AIG1: variants seen among roughly 807,000 people sequenced by gnomAD.
The protein encoded by AIG1 is androgen-induced gene 1 protein.
A neutral mutation model predicts 31.4 loss-of-function variants in AIG1; 23 were observed. The ratio of observed to expected loss-of-function variants is 0.73; its 90% CI spans 0.53 to 1.04. The LOEUF (loss-of-function observed/expected upper bound fraction) is 1.04. Among genes scored for constraint, AIG1 ranks in the 50% least tolerant of loss-of-function variants. The pLI, the probability that AIG1 is intolerant of heterozygous loss-of-function variation, is 0.00. For synonymous variants in AIG1, 100 were observed against 110.5 expected, an observed-to-expected ratio of 0.90 and a Z score of 0.60; for missense variants, 274 against 295.0, an observed-to-expected ratio of 0.93 and a Z score of 0.52.
intron 3 of AIG1, among the ~76,000 whole-genome samples, chr6:143,239,353 C>T (rs1794052077): frequency 6.6e-6 from 1 of 152,186 alleles, no homozygotes. Context: ...AATGGGAAAA[C>T]CTTCACGACC....
intron 1 of AIG1, among the ~76,000 whole-genome samples, chr6:143,066,774 T>C (rs1562338856): frequency 1.3e-5 from 2 of 152,218 alleles, no homozygotes; most frequent in Non-Finnish European, 2.9e-5. Flanking sequence ...GATTGTATTG[T>C]CCTTATGTTG....
intron 1 of AIG1, among the ~76,000 whole-genome samples, chr6:143,106,859 G>T (rs1471125969): frequency 6.6e-6 from 1 of 152,158 alleles, no homozygotes; most frequent in African/African-American, 2.4e-5. Context: ...ATGAGGACAA[G>T]GAATGATGGC....
At chr6:143,061,210 C>T in intron 1 of AIG1, 144 bp downstream of exon 1, 2 of 1,012,824 alleles carry the variant, frequency 2.0e-6, no homozygotes, top group Non-Finnish European at 3.1e-6. Flanking sequence ...CGCCTCTTCC[C>T]CAGTGATTGC....
At chr6:143,067,602 T>G (rs1316530467) in intron 1 of AIG1, among the ~76,000 whole-genome samples, 1 of 152,350 alleles carries the variant, frequency 6.6e-6, no homozygotes, top group African/African-American at 2.4e-5. Flanking sequence ...GTTAGTCTTA[T>G]ATTTATTTAC....
intron 1 of AIG1, among the ~76,000 whole-genome samples, chr6:143,135,357 A>G (rs1303590485): frequency 6.6e-6 from 1 of 152,150 alleles, no homozygotes; most frequent in Non-Finnish European, 1.5e-5. Flanking sequence ...ATAGAAAGAT[A>G]TGAATAGGAA....
In AIG1 at chr6:143,256,593, T is replaced by A. The variant is rs1795389464; in HGVS notation, c.400-27517T>A. Among the ~76,000 whole-genome samples, 1 of 152,188 alleles carries A rather than the reference T, an allele frequency of 6.6e-6. No individual in the cohort carries two copies. Among genetic ancestry groups the A allele is most frequent in the African/African-American group, 2.4e-5 (1 of 41,452 alleles). ...AAATCTTCCATGGACATCGAGCAGA[T>A]AAAAATGGAACCGTTACAGCTGAAA... On this transcript the variant is annotated intron_variant, in intron 3 of 5. Transcript: ENST00000357847. The surrounding 1 kb of genome is among the most constrained non-coding windows in gnomAD (Gnocchi z 4.6).
At chr6:143,239,533 T>C (rs1425971804) in intron 3 of AIG1, among the ~76,000 whole-genome samples, 3 of 152,168 alleles carry the variant, frequency 2.0e-5, no homozygotes, top group Non-Finnish European at 4.4e-5. Flanking sequence ...CTGAAGAATG[T>C]AGGAAGGACC....
Position 143,327,348 on chromosome 6 carries a change from G to A in AIG1, c.516-5934G>A. On this transcript the variant is annotated intron_variant, in intron 4 of 5. Coordinates refer to ENST00000357847, the MANE Select transcript of AIG1 (RefSeq NM_016108.4). The surrounding 1 kb of genome is among the most constrained non-coding windows in gnomAD (Gnocchi z 5.3). ...TCAACAAGGTGGTGACCTCGTTGAT[G>A]ATACACCATCAACATTCACAAGCGC... 2 of 253,096 alleles carry A rather than the reference G, an allele frequency of 7.9e-6. No individual in the cohort carries two copies. The highest frequency in any genetic ancestry group is 1.1e-4 in the South Asian group (2 of 18,650). 15.7% of individuals were successfully genotyped at this position (253,096 alleles called of 1,614,324 possible). A position where few individuals can be genotyped will look rare whatever the true frequency, so the allele number is the denominator to read the frequency against.
At position 143,340,623 on chromosome 6, in the gene AIG1, C is replaced by T. The variant is rs894497123; in HGVS notation, c.*947C>T. On this transcript the variant is annotated 3_prime_UTR_variant, in exon 6 of 6. Transcript: ENST00000357847. Reference sequence around the variant, plus strand: ...GGACTACAGGCGCCTGCCACACGCCCGGCTTATTTTTTGTATTTTTAGTAG... The same window carrying T: ...GGACTACAGGCGCCTGCCACACGCCTGGCTTATTTTTTGTATTTTTAGTAG... Among the ~76,000 whole-genome samples the T allele has an allele frequency of 2.0e-5, 3 of 152,142 alleles. No homozygotes were observed. The highest frequency in any genetic ancestry group is 7.2e-5 in the African/African-American group (3 of 41,512).
chr6:143,097,311 T>C (rs200151), intron 1 of AIG1, among the ~76,000 whole-genome samples: 146,952 of 152,162 alleles, frequency 0.97, 70,995 homozygotes, highest in East Asian at 1. Context: ...CCCAATCCTA[T>C]ACCCCCTCAT....
At chr6:143,101,320 C>A (rs1780259388) in intron 1 of AIG1, among the ~76,000 whole-genome samples, 1 of 151,892 alleles carries the variant, frequency 6.6e-6, no homozygotes, top group African/African-American at 2.4e-5. Flanking sequence ...CAAGGATGAT[C>A]CACATCAACA....
chr6:143,310,134 A>G (rs1192071765), intron 4 of AIG1, among the ~76,000 whole-genome samples: 1 of 151,952 alleles, frequency 6.6e-6, no homozygotes, highest in Non-Finnish European at 1.5e-5. Flanking sequence ...ACAACCATCA[A>G]TCAACTTGAT....
rs1777211302 is a variant in AIG1, at chr6:143,333,128, G to GT, written c.516-151dup. On this transcript the variant is annotated intron_variant, in intron 4 of 5. Coordinates refer to ENST00000357847, the MANE Select transcript of AIG1 (RefSeq NM_016108.4). The surrounding 1 kb of genome is among the most constrained non-coding windows in gnomAD (Gnocchi z 4.6). ...GTAAATGAAAATAAACAGCAACCAA[G>GT]TTTCCAGTAGCTCCTGAGTATCAGA... is the stretch of plus-strand genomic sequence containing the variant. 6.6e-5 allele frequency among the ~76,000 whole-genome samples: 10 copies of GT among 152,312 alleles called. No homozygotes were observed. In the South Asian group the frequency reaches 2.1e-3, roughly 32 times the overall value.
chr6:143,184,692 G>A (rs1183875252), intron 3 of AIG1, among the ~76,000 whole-genome samples: 8 of 152,086 alleles, frequency 5.3e-5, no homozygotes, highest in Non-Finnish European at 7.3e-5. Flanking sequence ...CAGCAGCCTC[G>A]TCTCTCATCT....
chr6:143,253,781 C>T (rs558680826), intron 3 of AIG1, among the ~76,000 whole-genome samples: 5 of 152,176 alleles, frequency 3.3e-5, no homozygotes, highest in Non-Finnish European at 7.3e-5. Context: ...TAAACAGAAA[C>T]TTCCACTCCA....
chr6:143,174,592 T>C (rs1281684413), intron 3 of AIG1, among the ~76,000 whole-genome samples: 1 of 152,204 alleles, frequency 6.6e-6, no homozygotes, highest in East Asian at 1.9e-4. Flanking sequence ...ATGTGAGTCT[T>C]TGTGTGTCAG....
At chr6:143,212,005 T>A (rs2128616555) in intron 3 of AIG1, among the ~76,000 whole-genome samples, 1 of 152,246 alleles carries the variant, frequency 6.6e-6, no homozygotes, top group East Asian at 1.9e-4. Context: ...GCCTCAGCAT[T>A]ATTGACTATT....
Position 143,318,859 on chromosome 6 carries a change from G to A in AIG1, c.516-14423G>A, listed in dbSNP as rs189965699. On this transcript the variant is annotated intron_variant, in intron 4 of 5. Coordinates refer to ENST00000357847, the MANE Select transcript of AIG1 (RefSeq NM_016108.4). ...TTCAAATGAAGATATACAAATGGCC[G>A]ACAAATACATGAAAAAATGCTCAAC... Among the ~76,000 whole-genome samples, 608 of 151,802 alleles carry A rather than the reference G, an allele frequency of 4.0e-3. 21 individuals carry two copies. The highest frequency in any genetic ancestry group is 0.036 in the Admixed American group (556 of 15,250).
chr6:143,071,950 G>GT (rs1028451740), intron 1 of AIG1, among the ~76,000 whole-genome samples: 38 of 148,858 alleles, frequency 2.6e-4, no homozygotes, highest in Admixed American at 6.7e-4. Flanking sequence ...TGCCCAGATT[G>GT]TTTTTTTTTA....
Sources: gnomAD v4.1 joint callset for allele counts (sites outside exome capture counted in the v4.1 genomes callset) on GRCh38, gnomAD v4.1.1 for gene constraint, Gnocchi (gnomAD v3.1) non-coding constraint, MANE v1.5 for transcripts, NCBI Gene and HGNC (gene_info 2026-07-23, HGNC 2026-07-21) for gene names.